The following CATSPERB variants were observed in gnomAD, a reference collection of about 807,000 sequenced individuals.
CATSPERB encodes the protein catsper channel auxiliary subunit beta, also known as cation channel sperm-associated auxiliary subunit beta.
A neutral mutation model predicts 128.3 loss-of-function variants in CATSPERB; 93 were observed. The observed-to-expected ratio is 0.72, with a 90% CI of 0.61 to 0.86. CATSPERB has a LOEUF of 0.86. Ranked by LOEUF, CATSPERB falls within the 40% of genes least tolerant of loss-of-function variation. The pLI is 0.00. For synonymous variants in CATSPERB, 381 were observed against 448.8 expected, an observed-to-expected ratio of 0.85 and a Z score of 1.91; for missense variants, 1,153 against 1,329.5, an observed-to-expected ratio of 0.87 and a Z score of 2.06.
chr14:91,693,439 A>C lies in CATSPERB; in HGVS notation c.657T>G (p.Asp219Glu). The C allele has an allele frequency of 6.2e-7, 1 of 1,614,138 alleles. No homozygotes were observed. Among genetic ancestry groups the C allele is most frequent in the Non-Finnish European group, 8.5e-7 (1 of 1,179,982 alleles). Residue 219 changes from aspartate (D) to glutamate (E), a missense_variant, in exon 8 of 27, where the codon GAT becomes GAG. Coordinates refer to ENST00000256343, the MANE Select transcript of CATSPERB (RefSeq NM_024764.4). ...TCATGTTAAACCATGTGGTATCATA[A>C]TCATGCCAGAATCCACCAAAGGTTA... is the stretch of plus-strand genomic sequence containing the variant. ...IGITFGGFWH[D>E]YDTTWFNMTQ...
intron 23 of CATSPERB, among the ~76,000 whole-genome samples, chr14:91,590,267 C>T (rs915284563): frequency 1.3e-5 from 2 of 152,226 alleles, no homozygotes; most frequent in Admixed American, 6.5e-5. Context: ...CAATGGCTCA[C>T]GCTTATAAAT....
chr14:91,717,520 C>G (rs781688532), intron 5 of CATSPERB, among the ~76,000 whole-genome samples: 11 of 152,100 alleles, frequency 7.2e-5, no homozygotes, highest in African/African-American at 9.7e-5. Context: ...GTTAAATCAT[C>G]TGAAAATGAA....
intron 10 of CATSPERB, among the ~76,000 whole-genome samples, chr14:91,685,650 C>T (rs997293595): frequency 6.6e-6 from 1 of 152,034 alleles, no homozygotes; most frequent in Non-Finnish European, 1.5e-5. Flanking sequence ...AGGAGGAGCA[C>T]CTTGGTGGTC....
intron 5 of CATSPERB, among the ~76,000 whole-genome samples, chr14:91,717,720 C>T (rs1040889183): frequency 3.3e-5 from 5 of 152,150 alleles, no homozygotes; most frequent in African/African-American, 1.2e-4. Flanking sequence ...TTTACATACA[C>T]TCAAATATAT....
intron 21 of CATSPERB, among the ~76,000 whole-genome samples, chr14:91,609,398 T>A (rs1346928570): frequency 1.3e-5 from 2 of 152,180 alleles, no homozygotes; most frequent in East Asian, 3.9e-4. Context: ...ATGAATAGCC[T>A]CTCAGGGCAT....
rs78950720 is a variant in CATSPERB, at chr14:91,675,835, C to T, written c.932-1613G>A. ...GGTTCTTGGCTGGGTTGCTCTTTCT[C>T]GGACCCCAAAGTACTTCTCAGAGCT... On this transcript the variant is annotated intron_variant, in intron 11 of 26. Transcript: ENST00000256343. 1.7e-3 allele frequency among the ~76,000 whole-genome samples: 262 copies of T among 152,276 alleles called. 4 individuals carry two copies. In the East Asian group the frequency reaches 0.025, roughly 15 times the overall value.
At chr14:91,665,427 T>A (rs1279714865) in intron 14 of CATSPERB, among the ~76,000 whole-genome samples, 2 of 152,154 alleles carry the variant, frequency 1.3e-5, no homozygotes, top group Non-Finnish European at 2.9e-5. Flanking sequence ...AAACACAAGA[T>A]GGAGACTGGG....
chr14:91,586,475 T>A (rs1387234942), intron 26 of CATSPERB, among the ~76,000 whole-genome samples: 1 of 150,778 alleles, frequency 6.6e-6, no homozygotes, highest in Non-Finnish European at 1.5e-5. Context: ...TTTGCACTGC[T>A]GCAATGGCCA....
At chr14:91,703,809 T>C (rs562992833) in intron 7 of CATSPERB, among the ~76,000 whole-genome samples, 21 of 152,306 alleles carry the variant, frequency 1.4e-4, no homozygotes, top group African/African-American at 4.8e-4. Flanking sequence ...TAAATAAACG[T>C]TCCCCTGAGT....
At chr14:91,628,981 A>G (rs961497326) in intron 17 of CATSPERB, among the ~76,000 whole-genome samples, 4 of 152,204 alleles carry the variant, frequency 2.6e-5, no homozygotes, top group African/African-American at 4.8e-5. Context: ...AAAACTAAAC[A>G]TACTCTTAGC....
At chr14:91,691,591 A>T (rs1236653331) in intron 9 of CATSPERB, 36 bp from the exon 10 acceptor site, 5 of 1,541,918 alleles carry the variant, frequency 3.2e-6, no homozygotes, top group Admixed American at 1.8e-5. Context: ...TTTTGCTTGC[A>T]TATCAGAAGG....
At chr14:91,615,276 C>T (rs1893914612) in intron 20 of CATSPERB, among the ~76,000 whole-genome samples, 1 of 152,164 alleles carries the variant, frequency 6.6e-6, no homozygotes, top group African/African-American at 2.4e-5. Context: ...GTGAACTGCA[C>T]ATGCGAGGGA....
At chr14:91,646,945 G>A (rs1391548090) in intron 15 of CATSPERB, among the ~76,000 whole-genome samples, 1 of 152,242 alleles carries the variant, frequency 6.6e-6, no homozygotes, top group African/African-American at 2.4e-5. Context: ...ATGGCTGGGA[G>A]CAGTGGCTCA....
intron 5 of CATSPERB, among the ~76,000 whole-genome samples, chr14:91,711,573 G>T (rs1375135329): frequency 6.6e-6 from 1 of 152,162 alleles, no homozygotes; most frequent in African/African-American, 2.4e-5. Flanking sequence ...GCTGATGAAA[G>T]TGTTCCAAAA....
At chr14:91,653,865 A>T (rs1049494534) in intron 15 of CATSPERB, among the ~76,000 whole-genome samples, 3 of 152,224 alleles carry the variant, frequency 2.0e-5, no homozygotes, top group African/African-American at 4.8e-5. Context: ...TCATAAGTGA[A>T]GCCAGGTTTA....
At position 91,587,990 on chromosome 14, in the gene CATSPERB, G is replaced by C; in HGVS notation, c.3045C>G (p.Asn1015Lys). 1 of 1,604,186 alleles carries C rather than the reference G, an allele frequency of 6.2e-7. No homozygotes were observed. ...GAAVYNPSGL[N>K]LSIKGSELFH... is the part of the protein sequence containing the mutation. The stretch of plus-strand genomic sequence containing the variant: ...ATGCCATCATTACCTTTATGCTTAA[G>C]TTGAGACCTGAAGGATTATACACTG... The change falls in exon 25 of 27, where the codon AAC (asparagine) becomes AAG (lysine). Residue 1015 changes from asparagine (N) to lysine (K), a missense_variant. By Grantham distance (94) the Asn-to-Lys change is moderately conservative. Transcript: ENST00000256343.
chr14:91,684,467 C>T (rs898903349), intron 10 of CATSPERB, among the ~76,000 whole-genome samples: 1 of 152,138 alleles, frequency 6.6e-6, no homozygotes, highest in Non-Finnish European at 1.5e-5. Flanking sequence ...TAGGAAGATT[C>T]TGACCTTCAA....
At chr14:91,648,955 A>C (rs1338729552) in intron 15 of CATSPERB, among the ~76,000 whole-genome samples, 1 of 149,354 alleles carries the variant, frequency 6.7e-6, no homozygotes, top group Admixed American at 6.6e-5. Flanking sequence ...CGCAACACAC[A>C]CTTCACCTGG....
At chr14:91,686,344 T>C (rs894907043) in intron 10 of CATSPERB, among the ~76,000 whole-genome samples, 1 of 152,170 alleles carries the variant, frequency 6.6e-6, no homozygotes, top group South Asian at 2.1e-4. Flanking sequence ...TAGGAAGTGC[T>C]CAACAAATAT....
Sources: gnomAD v4.1 joint callset for allele counts (sites outside exome capture counted in the v4.1 genomes callset) on GRCh38, gnomAD v4.1.1 for gene constraint, MANE v1.5 for transcripts, NCBI Gene and HGNC (gene_info 2026-07-23, HGNC 2026-07-21) for gene names.